ADCY8: variants seen among roughly 807,000 people sequenced by gnomAD.
ADCY8 encodes the protein adenylate cyclase 8.
ADCY8 carries 51 observed loss-of-function variants against 119.7 expected under a neutral mutation model. That is an observed-to-expected ratio of 0.43 (90% CI 0.34 to 0.54). The LOEUF (loss-of-function observed/expected upper bound fraction) is 0.54. Ranked by LOEUF, ADCY8 falls within the 20% of genes least tolerant of loss-of-function variation. The pLI is 0.03. For synonymous variants in ADCY8, 665 were observed against 651.0 expected (o/e 1.02, Z -0.33); for missense variants, 1,383 against 1,598.8 (o/e 0.87, Z 2.30).
At chr8:131,013,567 A>G (rs1002728969) in intron 1 of ADCY8, among the ~76,000 whole-genome samples, 2 of 152,134 alleles carry the variant, frequency 1.3e-5, no homozygotes, top group Non-Finnish European at 2.9e-5. Context: ...TTTCCTTGCC[A>G]ACTTCCCCCA....
At chr8:130,799,988 A>G (rs75390680) in intron 15 of ADCY8, among the ~76,000 whole-genome samples, 323 of 152,338 alleles carry the variant, frequency 2.1e-3, no homozygotes, top group Non-Finnish European at 3.3e-3. Flanking sequence ...AGAAACCGCT[A>G]TCTGTAGTAT....
intron 1 of ADCY8, among the ~76,000 whole-genome samples, chr8:131,018,095 G>A (rs1823539700): frequency 6.6e-6 from 1 of 152,124 alleles, no homozygotes; most frequent in Admixed American, 6.5e-5. Flanking sequence ...TTGGTTTAAG[G>A]GAAAGAAGTG....
rs558544945 is a variant in ADCY8 at position 130,893,170 on chromosome 8, C to T, written c.1912-8409G>A. Reference sequence around the variant, plus strand: ...ACTCATTTAGATCCGACCACTTTGACGCCACATGATTTGAGGCAAATTGTC... The same window carrying T: ...ACTCATTTAGATCCGACCACTTTGATGCCACATGATTTGAGGCAAATTGTC... On this transcript the variant is annotated intron_variant, in intron 7 of 17. Coordinates refer to ENST00000286355, the MANE Select transcript of ADCY8 (RefSeq NM_001115.3). Among the ~76,000 whole-genome samples, 7 of 152,306 alleles carry T rather than the reference C, an allele frequency of 4.6e-5. No homozygotes were observed. In the South Asian group the frequency reaches 6.2e-4, roughly 14 times the overall value.
intron 3 of ADCY8, among the ~76,000 whole-genome samples, chr8:130,945,718 C>T (rs1345926919): frequency 6.6e-6 from 1 of 152,274 alleles, no homozygotes; most frequent in East Asian, 1.9e-4. Context: ...ATAATATGGC[C>T]ATTCATTTGA....
At chr8:130,973,681 T>C (rs1821989260) in intron 2 of ADCY8, among the ~76,000 whole-genome samples, 1 of 152,200 alleles carries the variant, frequency 6.6e-6, no homozygotes, top group African/African-American at 2.4e-5. Context: ...TACAATGAAT[T>C]AACACATATG....
intron 13 of ADCY8, among the ~76,000 whole-genome samples, chr8:130,816,426 TC>T (rs1007868192): frequency 2.9e-5 from 3 of 104,674 alleles, no homozygotes; most frequent in South Asian, 7.1e-4. Flanking sequence ...AATTTTTTTT[TC>T]TTTTTTTTTT....
intron 2 of ADCY8, among the ~76,000 whole-genome samples, chr8:130,987,337 A>G (rs1822432059): frequency 6.6e-6 from 1 of 152,118 alleles, no homozygotes; most frequent in Admixed American, 6.5e-5. Context: ...GTAGTCATTC[A>G]GCTTCTTCTA....
At chr8:130,839,264 G>A (rs1008943967) in intron 11 of ADCY8, among the ~76,000 whole-genome samples, 1 of 139,922 alleles carries the variant, frequency 7.1e-6, no homozygotes, top group Middle Eastern at 3.3e-3. Flanking sequence ...GGTCTTTCTC[G>A]TTTTGTTGCC....
chr8:130,791,975 A>G (rs1172384917), intron 15 of ADCY8, among the ~76,000 whole-genome samples: 1 of 152,068 alleles, frequency 6.6e-6, no homozygotes, highest in Non-Finnish European at 1.5e-5. Flanking sequence ...TTTTTGCTGT[A>G]CAACTTCTGA....
At chr8:130,961,186 T>C (rs1821592489) in intron 2 of ADCY8, among the ~76,000 whole-genome samples, 1 of 152,166 alleles carries the variant, frequency 6.6e-6, no homozygotes, top group African/African-American at 2.4e-5. Context: ...CTTGGTTCAC[T>C]GCAACCTCTG....
chr8:130,951,827 G>A (rs1415640266), intron 3 of ADCY8, 41 bp downstream of exon 3: 4 of 1,610,914 alleles, frequency 2.5e-6, no homozygotes, highest in Non-Finnish European at 3.4e-6. Context: ...AAACACACAT[G>A]GATCATGCAA....
chr8:130,850,309 AC>A (rs1224506718), intron 9 of ADCY8, among the ~76,000 whole-genome samples: 1 of 152,092 alleles, frequency 6.6e-6, no homozygotes, highest in Non-Finnish European at 1.5e-5. Flanking sequence ...GGTAAGGAGA[AC>A]TCATCCTTGT....
chr8:130,889,001 C>G (rs191012867), intron 7 of ADCY8, among the ~76,000 whole-genome samples: 11 of 152,198 alleles, frequency 7.2e-5, no homozygotes, highest in Admixed American at 5.9e-4. Context: ...AGGGATCATA[C>G]GCTCAAATCT....
At chr8:130,990,606 A>G (rs1397848831) in intron 1 of ADCY8, 64 bp from the exon 2 acceptor site, 2 of 1,566,294 alleles carry the variant, frequency 1.3e-6, no homozygotes, top group Non-Finnish European at 1.7e-6. Flanking sequence ...ACAATAAAAT[A>G]CACAAATAAA....
At chr8:131,002,436 T>C (rs1822977660) in intron 1 of ADCY8, among the ~76,000 whole-genome samples, 2 of 152,144 alleles carry the variant, frequency 1.3e-5, no homozygotes, top group Non-Finnish European at 2.9e-5. Flanking sequence ...GAAGAAAATC[T>C]ATAGGAGTAG....
intron 1 of ADCY8, among the ~76,000 whole-genome samples, chr8:131,010,471 T>C (rs1484797804): frequency 1.3e-5 from 2 of 152,172 alleles, no homozygotes; most frequent in Non-Finnish European, 2.9e-5. Context: ...CACATCTGTG[T>C]CTTTAGTTTG....
At chr8:131,024,694 G>A (rs548433664) in intron 1 of ADCY8, among the ~76,000 whole-genome samples, 18 of 152,276 alleles carry the variant, frequency 1.2e-4, no homozygotes, top group Middle Eastern at 3.4e-3. Context: ...TAGTCCGTTC[G>A]AAACAAATTC....
Position 131,039,476 on chromosome 8 carries a change from C to G in ADCY8, c.858G>C (p.Pro286=). The change falls in exon 1 of 18, where the codon CCG becomes CCC. Residue 286 remains proline, a synonymous_variant. Coordinates refer to ENST00000286355, the MANE Select transcript of ADCY8 (RefSeq NM_001115.3). ...CCAGGATGGCCCAGGTGAGCGGCAG[C>G]GGCAGCATACTGTAGGTGGCGAAGA... ...FTLFATYSML[P]LPLTWAILAG... The G allele has an allele frequency of 6.2e-7, 1 of 1,614,088 alleles. No homozygotes were observed. Among genetic ancestry groups the G allele is most frequent in the African/African-American group, 1.3e-5 (1 of 75,054 alleles).
chr8:130,809,244 C>G (rs1816083750), intron 14 of ADCY8, among the ~76,000 whole-genome samples: 1 of 152,118 alleles, frequency 6.6e-6, no homozygotes, highest in South Asian at 2.1e-4. Flanking sequence ...TTACGCATAC[C>G]TGGGTTTGGA....
Sources: allele counts gnomAD v4.1 joint callset (sites outside exome capture counted in the v4.1 genomes callset), GRCh38; gene constraint gnomAD v4.1.1; transcripts MANE v1.5; gene names NCBI Gene and HGNC (gene_info 2026-07-23, HGNC 2026-07-21).